TRPC4AP: variants seen among roughly 807,000 people sequenced by gnomAD.
The protein encoded by TRPC4AP is transient receptor potential cation channel subfamily C member 4 associated protein.
Under a neutral mutation model 99.0 loss-of-function variants are expected in TRPC4AP, and 45 were observed. That is an observed-to-expected ratio of 0.45 (90% confidence interval 0.36 to 0.58). The LOEUF (loss-of-function observed/expected upper bound fraction) is 0.58. Ranked by LOEUF, TRPC4AP falls within the 20% of genes least tolerant of loss-of-function variation. TRPC4AP has a pLI of 0.00. For synonymous variants in TRPC4AP, 408 were observed against 385.8 expected, an observed-to-expected ratio of 1.06 and a Z score of -0.67; for missense variants, 879 against 985.3, an observed-to-expected ratio of 0.89 and a Z score of 1.44.
chr20:35,046,016 TAAAC>T (rs1479837006), intron 6 of TRPC4AP, among the ~76,000 whole-genome samples: 1 of 152,206 alleles, frequency 6.6e-6, no homozygotes, highest in Non-Finnish European at 1.5e-5. Flanking sequence ...TTTTCACTAT[TAAAC>T]AATGTTGCAA....
Position 35,092,773 on chromosome 20 carries a change from C to T in TRPC4AP, c.9G>A (p.Ala3=), listed in dbSNP as rs1410410201. 4.6e-6 allele frequency: 7 copies of T among 1,536,824 alleles called. No individual in the cohort carries two copies. Among genetic ancestry groups the T allele is most frequent in the Non-Finnish European group, 6.1e-6 (7 of 1,154,020 alleles). ...CTCCAGACCCAGCCGCTACCGGCGCCGCCGCCATGTCTCCTCGTCGGACAA... is the reference window on the plus strand; with the variant it reads ...CTCCAGACCCAGCCGCTACCGGCGCTGCCGCCATGTCTCCTCGTCGGACAA... MA[A]APVAAGSGAG... Residue 3 remains alanine (A), a synonymous_variant, in exon 1 of 19, where the codon GCG becomes GCA. Transcript: ENST00000252015.
At chr20:35,067,213 G>A (rs1001932088) in intron 3 of TRPC4AP, among the ~76,000 whole-genome samples, 1 of 152,204 alleles carries the variant, frequency 6.6e-6, no homozygotes, top group African/African-American at 2.4e-5. Flanking sequence ...GGGCTGGAGC[G>A]GGGGCTCATG....
Position 35,016,055 on chromosome 20 carries a change from A to T in TRPC4AP, c.1303T>A (p.Ser435Thr). 5 of 1,614,252 alleles carry T rather than the reference A, an allele frequency of 3.1e-6. No homozygotes were observed. Among genetic ancestry groups the T allele is most frequent in the Non-Finnish European group, 4.2e-6 (5 of 1,180,046 alleles). Reference protein sequence around the residue: ...DKLIWRKHSASALVLHGHNQN... With the variant: ...DKLIWRKHSATALVLHGHNQN... The stretch of plus-strand genomic sequence containing the variant: ...TTGTGACCATGGAGGACAAGGGCAG[A>T]TGCTGAATGCTTCCTCCAAATCAGT... Residue 435 changes from serine (S) to threonine (T), a missense_variant, in exon 10 of 19, where the codon TCT becomes ACT. Physicochemically the swap from Ser to Thr is moderately conservative, Grantham distance 58. Transcript: ENST00000252015.
chr20:35,049,793 T>G, intron 6 of TRPC4AP, 73 bp downstream of exon 6: 2 of 1,500,828 alleles, frequency 1.3e-6, no homozygotes, highest in Non-Finnish European at 1.8e-6. Flanking sequence ...AAGCTCTGTA[T>G]ATTATTCAGT....
intron 7 of TRPC4AP, 27 bp downstream of exon 7, chr20:35,044,478 A>G (rs779179939): frequency 1.9e-6 from 3 of 1,603,150 alleles, no homozygotes; most frequent in Non-Finnish European, 2.6e-6. Flanking sequence ...CTATAATCTC[A>G]AAATTCTGAG....
At chr20:35,048,827 C>T (rs149003941) in intron 6 of TRPC4AP, among the ~76,000 whole-genome samples, 1 of 152,268 alleles carries the variant, frequency 6.6e-6, no homozygotes, top group Non-Finnish European at 1.5e-5. Flanking sequence ...GGCTGGAACA[C>T]ACAATTACTG....
intron 13 of TRPC4AP, among the ~76,000 whole-genome samples, 182 bp downstream of exon 13, chr20:35,008,482 A>C (rs183029946): frequency 1.4e-4 from 21 of 152,322 alleles, no homozygotes; most frequent in Admixed American, 3.3e-4. Flanking sequence ...GCTGCAGAAG[A>C]AGCTCTCACA....
In TRPC4AP at chr20:35,086,000, G is replaced by A. The variant is rs1337786881; in HGVS notation, c.168+6614C>T. Reference sequence around the variant, plus strand: ...CTCGCGCAATCTCACTGCAACCTCCGTCTCCTGGGCTCAAGTGATCCTCCC... The same window carrying A: ...CTCGCGCAATCTCACTGCAACCTCCATCTCCTGGGCTCAAGTGATCCTCCC... On this transcript the variant is annotated intron_variant, in intron 1 of 18. Coordinates refer to ENST00000252015, the MANE Select transcript of TRPC4AP (RefSeq NM_015638.3). 4.6e-5 allele frequency among the ~76,000 whole-genome samples: 7 copies of A among 151,948 alleles called. No homozygotes were observed. In the East Asian group the frequency reaches 7.7e-4, roughly 17 times the overall value.
intron 1 of TRPC4AP, among the ~76,000 whole-genome samples, chr20:35,086,765 C>T (rs993264648): frequency 2.0e-5 from 3 of 151,786 alleles, no homozygotes; most frequent in Non-Finnish European, 4.4e-5. Context: ...CTGGGCACGG[C>T]GACTCACATC....
intron 8 of TRPC4AP, among the ~76,000 whole-genome samples, chr20:35,022,456 T>C (rs1336051783): frequency 1.3e-5 from 2 of 152,142 alleles, no homozygotes; most frequent in Admixed American, 1.3e-4. Context: ...GTGCCCAGCG[T>C]AGATCCCTAC....
At chr20:35,058,417 G>A (rs1009207972) in intron 3 of TRPC4AP, among the ~76,000 whole-genome samples, 7 of 152,274 alleles carry the variant, frequency 4.6e-5, no homozygotes, top group Middle Eastern at 3.4e-3. Context: ...CACTGAACAA[G>A]CCTCAATAAA....
At chr20:35,084,630 ATGTG>A (rs1235432661) in intron 1 of TRPC4AP, among the ~76,000 whole-genome samples, 2 of 115,538 alleles carry the variant, frequency 1.7e-5, no homozygotes, top group Non-Finnish European at 3.6e-5. Flanking sequence ...ATATGCATAT[ATGTG>A]TATATGTATG....
At chr20:35,063,030 C>G (rs2084047913) in intron 3 of TRPC4AP, among the ~76,000 whole-genome samples, 1 of 152,226 alleles carries the variant, frequency 6.6e-6, no homozygotes, top group South Asian at 2.1e-4. Context: ...TTGTAATAAT[C>G]CTCATGTGTC....
intron 4 of TRPC4AP, among the ~76,000 whole-genome samples, chr20:35,055,620 T>C (rs2083808147): frequency 6.6e-6 from 1 of 152,182 alleles, no homozygotes; most frequent in African/African-American, 2.4e-5. Context: ...CAATTTTCCC[T>C]CCTCACCCTC....
intron 3 of TRPC4AP, among the ~76,000 whole-genome samples, chr20:35,060,404 TAG>T (rs2083967888): frequency 4.6e-5 from 7 of 151,740 alleles, no homozygotes; most frequent in African/African-American, 1.7e-4. Context: ...CTGGGCAACA[TAG>T]TGAGACCCTG....
At position 35,043,107 on chromosome 20, in the gene TRPC4AP, T is replaced by C. The variant is rs181171909; in HGVS notation, c.865+1398A>G. Among the ~76,000 whole-genome samples the C allele has an allele frequency of 1.8e-3, 279 of 152,294 alleles. 1 individual carries two copies. Among genetic ancestry groups the C allele is most frequent in the African/African-American group, 5.9e-3 (245 of 41,572 alleles). On this transcript the variant is annotated intron_variant, in intron 7 of 18. Coordinates refer to ENST00000252015, the MANE Select transcript of TRPC4AP (RefSeq NM_015638.3). Reference sequence around the variant, plus strand: ...TTAATATATCTTGGAGATTTTTCTATAGCAGTACATAGAGATCTTCATTTT... The same window carrying C: ...TTAATATATCTTGGAGATTTTTCTACAGCAGTACATAGAGATCTTCATTTT...
intron 8 of TRPC4AP, among the ~76,000 whole-genome samples, chr20:35,033,400 G>A (rs1379379567): frequency 6.6e-6 from 1 of 152,140 alleles, no homozygotes; most frequent in Non-Finnish European, 1.5e-5. Context: ...TCCCTGGGAT[G>A]ACATTGAGCC....
chr20:35,079,181 C>T (rs2084560678), intron 1 of TRPC4AP, among the ~76,000 whole-genome samples: 1 of 152,104 alleles, frequency 6.6e-6, no homozygotes, highest in Admixed American at 6.6e-5. Context: ...TAAAGTGGGT[C>T]ATTTCATAAT....
chr20:35,062,562 C>G (rs75459464), intron 3 of TRPC4AP, among the ~76,000 whole-genome samples: 1 of 152,082 alleles, frequency 6.6e-6, no homozygotes, highest in Non-Finnish European at 1.5e-5. Context: ...TTATGTTAAG[C>G]AAAAGAAGCC....
Sources: gnomAD v4.1 joint callset for allele counts (sites outside exome capture counted in the v4.1 genomes callset) on GRCh38, gnomAD v4.1.1 for gene constraint, MANE v1.5 for transcripts, NCBI Gene and HGNC (gene_info 2026-07-23, HGNC 2026-07-21) for gene names.